ERBIN: variants seen among roughly 807,000 people sequenced by gnomAD.
ERBIN encodes erbb2 interacting protein.
In ERBIN, 60 loss-of-function variants were observed where a neutral mutation model predicts 158.4. The observed-to-expected ratio is 0.38, with a 90% CI of 0.31 to 0.47. ERBIN has a LOEUF of 0.47. Ranked by LOEUF, ERBIN falls within the 20% of genes least tolerant of loss-of-function variation. The probability of loss-of-function intolerance (pLI) is 0.99; values close to 1 mark genes in which losing one functional copy is unlikely to be tolerated. For missense variants in ERBIN, 1,610 were observed against 1,648.0 expected, an observed-to-expected ratio of 0.98 and a Z score of 0.40; for synonymous variants, 594 against 557.2, an observed-to-expected ratio of 1.07 and a Z score of -0.93.
chr5:66,014,764 A>C, intron 7 of ERBIN, 39 bp downstream of exon 7: 1 of 1,009,650 alleles, frequency 9.9e-7, no homozygotes, highest in Non-Finnish European at 1.4e-6. Flanking sequence ...CTTAATTTAT[A>C]ATTTTTAATG....
At chr5:66,030,337 C>T (rs1331117491) in intron 14 of ERBIN, among the ~76,000 whole-genome samples, 1 of 152,062 alleles carries the variant, frequency 6.6e-6, no homozygotes. Context: ...CCACCACGCC[C>T]AGCTTTACTG....
chr5:65,966,798 G>A (rs1748683851), intron 1 of ERBIN, among the ~76,000 whole-genome samples: 1 of 151,378 alleles, frequency 6.6e-6, no homozygotes, highest in Non-Finnish European at 1.5e-5. Flanking sequence ...TTCCGGTTGT[G>A]TTGTTGCCCC....
chr5:65,965,382 GTTTTTTTTTTTT>G (rs200847060), intron 1 of ERBIN, among the ~76,000 whole-genome samples: 8 of 96,050 alleles, frequency 8.3e-5, no homozygotes, highest in Admixed American at 2.4e-4. Context: ...GTTTTTTGTT[GTTTTTTTTTTTT>G]TTTTTTTTTT....
intron 1 of ERBIN, among the ~76,000 whole-genome samples, chr5:65,950,334 T>C (rs1358885811): frequency 3.3e-5 from 5 of 152,228 alleles, no homozygotes; most frequent in Non-Finnish European, 2.9e-5. Context: ...TTCTCAGTCT[T>C]TCCTTGTTTT....
intron 4 of ERBIN, among the ~76,000 whole-genome samples, chr5:66,001,114 TAAAA>T (rs932492688): frequency 1.8e-4 from 27 of 152,248 alleles, no homozygotes; most frequent in African/African-American, 6.5e-4. Flanking sequence ...ATAGACTGCT[TAAAA>T]GAAAGGTTAG....
chr5:65,960,776 A>G (rs900816076), intron 1 of ERBIN, among the ~76,000 whole-genome samples: 20 of 152,180 alleles, frequency 1.3e-4, no homozygotes, highest in Admixed American at 6.5e-4. Context: ...TTAATTTACA[A>G]TCTGTTAAAC....
At chr5:65,965,985 C>G (rs1004462501) in intron 1 of ERBIN, among the ~76,000 whole-genome samples, 1 of 152,208 alleles carries the variant, frequency 6.6e-6, no homozygotes, top group African/African-American at 2.4e-5. Context: ...CAGTTAACCT[C>G]TACTATAACA....
At chr5:65,966,557 G>A (rs1285206127) in intron 1 of ERBIN, among the ~76,000 whole-genome samples, 1 of 151,948 alleles carries the variant, frequency 6.6e-6, no homozygotes, top group Non-Finnish European at 1.5e-5. Flanking sequence ...GCGCATGCCT[G>A]TAATCCCAGC....
chr5:65,976,445 C>T (rs930257877), intron 1 of ERBIN, among the ~76,000 whole-genome samples: 1 of 152,020 alleles, frequency 6.6e-6, no homozygotes, highest in Admixed American at 6.6e-5. Context: ...TGTACTCCAG[C>T]CTGGGTGACA....
intron 15 of ERBIN, among the ~76,000 whole-genome samples, chr5:66,040,884 G>T (rs139315566): frequency 2.6e-5 from 4 of 151,728 alleles, no homozygotes; most frequent in South Asian, 4.2e-4. Context: ...TCTAAAGGTA[G>T]ATAGTGATGA....
At chr5:66,043,538 T>G (rs1758126085) in intron 16 of ERBIN, among the ~76,000 whole-genome samples, 1 of 152,196 alleles carries the variant, frequency 6.6e-6, no homozygotes, top group Admixed American at 6.5e-5. Flanking sequence ...TCGTAATGAT[T>G]ATTTTCTCCC....
At chr5:66,034,095 G>T (rs1351547355) in intron 14 of ERBIN, among the ~76,000 whole-genome samples, 1 of 139,768 alleles carries the variant, frequency 7.2e-6, no homozygotes, top group Non-Finnish European at 1.5e-5. Context: ...TAGCCTGGGT[G>T]ACAGAGCGAG....
intron 1 of ERBIN, among the ~76,000 whole-genome samples, chr5:65,982,066 C>G (rs1028011020): frequency 6.6e-6 from 1 of 152,106 alleles, no homozygotes; most frequent in Non-Finnish European, 1.5e-5. Flanking sequence ...AAAAGTTAAG[C>G]CTGCCAGAAA....
chr5:66,038,599 A>G (rs1757626068), intron 15 of ERBIN, 117 bp downstream of exon 15: 1 of 665,536 alleles, frequency 1.5e-6, no homozygotes, highest in Non-Finnish European at 2.5e-6. Flanking sequence ...AGAATTGACC[A>G]AAACAGTTTG....
chr5:66,028,821 G>T (rs1315250204), intron 14 of ERBIN, among the ~76,000 whole-genome samples: 1 of 152,046 alleles, frequency 6.6e-6, no homozygotes, highest in African/African-American at 2.4e-5. Context: ...GCCAGCCCCA[G>T]AATCCACCAT....
At chr5:66,028,120 C>T (rs938030793) in intron 13 of ERBIN, among the ~76,000 whole-genome samples, 154 bp from the exon 14 acceptor site, 2 of 151,848 alleles carry the variant, frequency 1.3e-5, no homozygotes, top group African/African-American at 2.4e-5. Flanking sequence ...ATGTCCTATA[C>T]GAAGAATTAT....
intron 22 of ERBIN, among the ~76,000 whole-genome samples, chr5:66,073,646 A>G (rs1446255214): frequency 6.6e-6 from 1 of 152,174 alleles, no homozygotes; most frequent in Non-Finnish European, 1.5e-5. Context: ...GTTCACCAAG[A>G]AAAGCATGCA....
rs565000662 is a variant in ERBIN, at chr5:65,966,434, A to C, written c.-57-22201A>C. 2.1e-3 allele frequency among the ~76,000 whole-genome samples: 320 copies of C among 152,244 alleles called. 2 individuals carry two copies. Among genetic ancestry groups the C allele is most frequent in the African/African-American group, 7.6e-3 (314 of 41,536 alleles). ...GGTAGCTCACGCCTGTAATCCCAGC[A>C]CTTTGGGAGGCCAAGGTGGGCGGAT... On this transcript the variant is annotated intron_variant, in intron 1 of 25. Coordinates refer to ENST00000284037, the MANE Select transcript of ERBIN (RefSeq NM_001253697.2).
chr5:65,976,785 C>G (rs371675972), intron 1 of ERBIN, among the ~76,000 whole-genome samples: 1 of 151,544 alleles, frequency 6.6e-6, no homozygotes, highest in African/African-American at 2.4e-5. Flanking sequence ...TTAATCCATT[C>G]AACCCTGAGT....
Sources: gnomAD v4.1 joint callset for allele counts (sites outside exome capture counted in the v4.1 genomes callset) on GRCh38, gnomAD v4.1.1 for gene constraint, MANE v1.5 for transcripts, NCBI Gene and HGNC (gene_info 2026-07-23, HGNC 2026-07-21) for gene names.